Variants in FGF14 observed in about 807,000 individuals in gnomAD.
FGF14 encodes fibroblast growth factor 14, also known as fibroblast growth factor homologous factor 4.
In FGF14, 5 loss-of-function variants were observed where a neutral mutation model predicts 25.5. The ratio of observed to expected loss-of-function variants is 0.20; its 90% CI spans 0.10 to 0.41. FGF14 has a LOEUF of 0.41. FGF14 is among the 10% of genes least tolerant of loss of function. The pLI is 1.00. For missense variants in FGF14, 222 were observed against 320.1 expected, an observed-to-expected ratio of 0.69 and a Z score of 2.34; for synonymous variants, 138 against 118.3, an observed-to-expected ratio of 1.17 and a Z score of -1.08.
intron 1 of FGF14, among the ~76,000 whole-genome samples, chr13:102,222,301 T>C (rs551752981): frequency 6.6e-6 from 1 of 152,376 alleles, no homozygotes; most frequent in Non-Finnish European, 1.5e-5. Flanking sequence ...ATTTGATTGC[T>C]AGATCTTCTG....
At chr13:102,073,409 G>A (rs544381226) in intron 1 of FGF14, among the ~76,000 whole-genome samples, 20 of 152,182 alleles carry the variant, frequency 1.3e-4, no homozygotes, top group Non-Finnish European at 2.1e-4. Context: ...GCTTCCTGTG[G>A]AATTTAGGAG....
intron 1 of FGF14, among the ~76,000 whole-genome samples, chr13:102,161,721 G>T (rs891818972): frequency 9.3e-5 from 14 of 149,936 alleles, no homozygotes; most frequent in Non-Finnish European, 1.5e-4. Context: ...AGAAGAAGAA[G>T]AAGAATAGAA....
intron 1 of FGF14, among the ~76,000 whole-genome samples, chr13:102,084,237 T>G (rs1008217872): frequency 6.6e-6 from 1 of 152,056 alleles, no homozygotes; most frequent in Non-Finnish European, 1.5e-5. Flanking sequence ...GTTTCTTTAT[T>G]TTTCTTTTGC....
At chr13:102,067,235 G>GT (rs1202576178) in intron 1 of FGF14, among the ~76,000 whole-genome samples, 3 of 152,102 alleles carry the variant, frequency 2.0e-5, no homozygotes, top group African/African-American at 7.2e-5. Context: ...ATAACTATGC[G>GT]TATTTAGTTG....
intron 3 of FGF14, among the ~76,000 whole-genome samples, chr13:101,749,006 T>C (rs1327864844): frequency 6.6e-6 from 1 of 152,088 alleles, no homozygotes; most frequent in Non-Finnish European, 1.5e-5. Flanking sequence ...TTCTGATACA[T>C]GTTACATGAA....
At chr13:101,781,095 G>T (rs772076284) in intron 3 of FGF14, among the ~76,000 whole-genome samples, 1 of 151,590 alleles carries the variant, frequency 6.6e-6, no homozygotes, top group Non-Finnish European at 1.5e-5. Context: ...CTCCCCAAGC[G>T]TCTTGCCATA....
chr13:102,030,064 A>G (rs951330299), intron 1 of FGF14, among the ~76,000 whole-genome samples: 13 of 152,114 alleles, frequency 8.5e-5, no homozygotes, highest in African/African-American at 3.1e-4. Flanking sequence ...AGTATACAAT[A>G]TAATTTTTAG....
In FGF14 at chr13:101,875,230, G is replaced by C. The variant is rs138051469; in HGVS notation, c.260C>G (p.Pro87Arg). 1 of 1,613,264 alleles carries C rather than the reference G, an allele frequency of 6.2e-7. No individual in the cohort carries two copies. The highest frequency in any genetic ancestry group is 1.3e-5 in the African/African-American group (1 of 74,840). ...CRQGYYLQMH[P>R]DGALDGTKDD... is the part of the protein sequence containing the mutation. Reference sequence around the variant, plus strand: ...CTTGGTTCCATCGAGAGCTCCATCGGGGTGCATTTGCAAGTAGTAGCCTTG... The same window carrying C: ...CTTGGTTCCATCGAGAGCTCCATCGCGGTGCATTTGCAAGTAGTAGCCTTG... The change falls in exon 2 of 5, where the codon CCC (proline) becomes CGC (arginine). Residue 87 changes from proline to arginine, a missense_variant. Coordinates refer to ENST00000376143, the MANE Select transcript of FGF14 (RefSeq NM_004115.4).
At chr13:102,345,861 G>A (rs1014661032) in intron 1 of FGF14, among the ~76,000 whole-genome samples, 2 of 152,130 alleles carry the variant, frequency 1.3e-5, no homozygotes, top group African/African-American at 2.4e-5. Context: ...TGTTAATCAG[G>A]AGCAGACCAA....
At chr13:102,061,566 G>A (rs1012017141) in intron 1 of FGF14, among the ~76,000 whole-genome samples, 1 of 152,206 alleles carries the variant, frequency 6.6e-6, no homozygotes, top group African/African-American at 2.4e-5. Context: ...TATCTGATGA[G>A]TCTTTGTAAC....
chr13:102,286,637 C>A (rs1163812767), intron 1 of FGF14, among the ~76,000 whole-genome samples: 1 of 152,092 alleles, frequency 6.6e-6, no homozygotes, highest in Non-Finnish European at 1.5e-5. Context: ...TCCATCAACC[C>A]ACTATTTGTG....
intron 1 of FGF14, among the ~76,000 whole-genome samples, chr13:102,333,950 G>A (rs1434260133): frequency 6.6e-6 from 1 of 152,124 alleles, no homozygotes; most frequent in African/African-American, 2.4e-5. Context: ...CTGGCTGACA[G>A]CAATCTAAAA....
chr13:102,291,812 T>A (rs951170494), intron 1 of FGF14, among the ~76,000 whole-genome samples: 1 of 152,078 alleles, frequency 6.6e-6, no homozygotes, highest in Non-Finnish European at 1.5e-5. Flanking sequence ...CCCTGACTCC[T>A]CCAATGCTCT....
intron 3 of FGF14, among the ~76,000 whole-genome samples, chr13:101,770,714 C>T (rs994624372): frequency 6.6e-6 from 1 of 151,946 alleles, no homozygotes; most frequent in South Asian, 2.1e-4. Context: ...AATGGGTTAG[C>T]ATAATAGTAA....
intron 1 of FGF14, among the ~76,000 whole-genome samples, chr13:102,134,101 A>C (rs1430383321): frequency 6.6e-6 from 1 of 152,226 alleles, no homozygotes; most frequent in African/African-American, 2.4e-5. Flanking sequence ...CTAGACACTG[A>C]GTATTGAACA....
chr13:102,188,505 A>C (rs577520675), intron 1 of FGF14, among the ~76,000 whole-genome samples: 14 of 152,332 alleles, frequency 9.2e-5, no homozygotes, highest in African/African-American at 3.4e-4. Flanking sequence ...AGTACCTAAC[A>C]CATTCTTTCT....
intron 1 of FGF14, among the ~76,000 whole-genome samples, chr13:101,967,220 C>T (rs1413385364): frequency 2.0e-5 from 3 of 152,138 alleles, no homozygotes; most frequent in African/African-American, 4.8e-5. Flanking sequence ...ATCAAAGTGA[C>T]TTCTTCTGTT....
At chr13:102,092,006 A>T (rs1212878337) in intron 1 of FGF14, among the ~76,000 whole-genome samples, 7 of 152,216 alleles carry the variant, frequency 4.6e-5, no homozygotes, top group Non-Finnish European at 1.0e-4. Flanking sequence ...GTTTATATAT[A>T]TGCATAAAAT....
intron 3 of FGF14, among the ~76,000 whole-genome samples, chr13:101,771,334 T>A (rs1490219064): frequency 6.6e-6 from 1 of 151,338 alleles, no homozygotes; most frequent in East Asian, 1.9e-4. Context: ...TAATTTAACA[T>A]GTTACAAGGC....
Sources: gnomAD v4.1 joint callset for allele counts (sites outside exome capture counted in the v4.1 genomes callset) on GRCh38, gnomAD v4.1.1 for gene constraint, MANE v1.5 for transcripts, NCBI Gene and HGNC (gene_info 2026-07-23, HGNC 2026-07-21) for gene names.